ERI3: variants seen among roughly 807,000 people sequenced by gnomAD.
ERI3 encodes the protein ERI1 exoribonuclease 3.
A neutral mutation model predicts 44.4 loss-of-function variants in ERI3; 18 were observed. The observed-to-expected ratio is 0.41, with a 90% CI of 0.28 to 0.60. ERI3 has a LOEUF of 0.60. Among genes scored for constraint, ERI3 ranks in the 20% least tolerant of loss-of-function variants. The pLI, the probability that ERI3 is intolerant of heterozygous loss-of-function variation, is 0.36. For missense variants in ERI3, 294 were observed against 435.5 expected (o/e 0.68, Z 2.89); for synonymous variants, 183 against 164.8 (o/e 1.11, Z -0.84).
intron 5 of ERI3, among the ~76,000 whole-genome samples, chr1:44,308,938 C>T (rs1645896615): frequency 6.6e-6 from 1 of 152,152 alleles, no homozygotes; most frequent in South Asian, 2.1e-4. Context: ...GGACTGGAGC[C>T]CCATCCTGAC....
chr1:44,343,732 T>C (rs1646729488), intron 2 of ERI3, among the ~76,000 whole-genome samples: 1 of 151,958 alleles, frequency 6.6e-6, no homozygotes, highest in African/African-American at 2.4e-5. Context: ...TATATAGAGG[T>C]TTTATATCAA....
chr1:44,286,032 C>A (rs1645388046), intron 6 of ERI3, among the ~76,000 whole-genome samples: 1 of 152,072 alleles, frequency 6.6e-6, no homozygotes. Flanking sequence ...GTAAAGGAGG[C>A]CCCAGTGACT....
intron 7 of ERI3, chr1:44,284,145 A>C: frequency 2.2e-6 from 1 of 457,814 alleles, no homozygotes; most frequent in Non-Finnish European, 4.5e-6. Context: ...CCTCTAGAGC[A>C]GGGATACTCT....
intron 7 of ERI3, among the ~76,000 whole-genome samples, chr1:44,273,269 T>TAG (rs1645121933): frequency 6.6e-6 from 1 of 152,238 alleles, no homozygotes; most frequent in Non-Finnish European, 1.5e-5. Context: ...TCCTGGGCTA[T>TAG]GGAAGGAAGG....
rs1646976089 is a variant in ERI3, at chr1:44,355,168, G to A, written c.-142C>T. On this transcript the variant is annotated 5_prime_UTR_variant, in exon 1 of 9. Coordinates refer to ENST00000372257, the MANE Select transcript of ERI3 (RefSeq NM_024066.3). Reference sequence around the variant, plus strand: ...CCGACTGCGGCGCCGGCCAGGCAGAGGCAGGGCCAGCTCCGCCCGCTCCCC... The same window carrying A: ...CCGACTGCGGCGCCGGCCAGGCAGAAGCAGGGCCAGCTCCGCCCGCTCCCC... 4 of 1,208,814 alleles carry A rather than the reference G, an allele frequency of 3.3e-6. No individual in the cohort carries two copies. Among genetic ancestry groups the A allele is most frequent in the South Asian group, 4.3e-5 (1 of 23,428 alleles). 74.9% of individuals were successfully genotyped at this position (1,208,814 alleles called of 1,614,324 possible).
At chr1:44,249,329 T>G (rs1644626467) in intron 7 of ERI3, among the ~76,000 whole-genome samples, 1 of 152,156 alleles carries the variant, frequency 6.6e-6, no homozygotes, top group Non-Finnish European at 1.5e-5. Flanking sequence ...AGCACCGCAG[T>G]GGTCCAGCCC....
At chr1:44,258,323 T>C (rs192018043) in intron 7 of ERI3, among the ~76,000 whole-genome samples, 9 of 152,210 alleles carry the variant, frequency 5.9e-5, no homozygotes, top group Non-Finnish European at 7.3e-5. Context: ...TAATCCTTTA[T>C]TGAGCATGCG....
chr1:44,240,599 T>G (rs1249245121), intron 8 of ERI3, among the ~76,000 whole-genome samples: 1 of 152,162 alleles, frequency 6.6e-6, no homozygotes, highest in Non-Finnish European at 1.5e-5. Flanking sequence ...TTTCCTCACA[T>G]CCAGTAGAGA....
Position 44,247,996 on chromosome 1 carries a change from G to C in ERI3, c.874C>G (p.Leu292Val). Residue 292 changes from leucine to valine, a missense_variant, in exon 8 of 9, where the codon CTA becomes GTA. By Grantham distance (32) the Leu-to-Val change is conservative (BLOSUM62 1). Transcript: ENST00000372257. ...AGGCTGAGGCCCTTGTTCATGTCTA[G>C]AAGTCCATTCTTGGGCCAGCAGCCC... ...AMGCWPKNGLLDMNKGLSLQH... is the reference protein window; with the variant it reads ...AMGCWPKNGLVDMNKGLSLQH... The C allele has an allele frequency of 6.2e-7, 1 of 1,612,734 alleles. No individual in the cohort carries two copies. Among genetic ancestry groups the C allele is most frequent in the Non-Finnish European group, 8.5e-7 (1 of 1,179,478 alleles).
At chr1:44,290,304 T>C (rs890993974) in intron 6 of ERI3, among the ~76,000 whole-genome samples, 1 of 152,048 alleles carries the variant, frequency 6.6e-6, no homozygotes, top group Admixed American at 6.6e-5. Context: ...CATGGGACCA[T>C]GGAGGCACAG....
chr1:44,347,734 A>G (rs1278954481), intron 2 of ERI3, among the ~76,000 whole-genome samples: 2 of 152,026 alleles, frequency 1.3e-5, no homozygotes, highest in African/African-American at 2.4e-5. Flanking sequence ...GTTAAGGAAG[A>G]AGGATAGAAG....
chr1:44,294,027 C>T (rs325159), intron 6 of ERI3, among the ~76,000 whole-genome samples: 96,863 of 152,164 alleles, frequency 0.64, 32,333 homozygotes, highest in East Asian at 0.81. Context: ...AGCCCTCCCA[C>T]GGGTGCCCTC....
At chr1:44,341,706 G>A (rs1365343806) in intron 2 of ERI3, among the ~76,000 whole-genome samples, 1 of 152,084 alleles carries the variant, frequency 6.6e-6, no homozygotes, top group Non-Finnish European at 1.5e-5. Flanking sequence ...GGGAAACATA[G>A]TGAGACCCAA....
chr1:44,322,958 T>G (rs1331993528), intron 3 of ERI3: 1 of 1,409,706 alleles, frequency 7.1e-7, no homozygotes, highest in African/African-American at 1.4e-5. Flanking sequence ...TTTGTGACAA[T>G]GTGCCCAAGT....
chr1:44,244,573 T>G (rs1460715658), intron 8 of ERI3, among the ~76,000 whole-genome samples: 1 of 152,084 alleles, frequency 6.6e-6, no homozygotes, highest in African/African-American at 2.4e-5. Context: ...GAAAGAAAGT[T>G]TTACCTGGTG....
At chr1:44,321,072 T>C (rs980725017) in intron 3 of ERI3, among the ~76,000 whole-genome samples, 2 of 152,112 alleles carry the variant, frequency 1.3e-5, no homozygotes, top group East Asian at 1.9e-4. Context: ...CTTAGGAAAT[T>C]GATGGGTGGG....
intron 7 of ERI3, among the ~76,000 whole-genome samples, chr1:44,269,612 CAA>C (rs1425730176): frequency 6.6e-6 from 1 of 152,224 alleles, no homozygotes; most frequent in African/African-American, 2.4e-5. Context: ...GTGTCACTCT[CAA>C]GAGACCTGGA....
At position 44,241,965 on chromosome 1, in the gene ERI3, G is replaced by A; in HGVS notation, c.931+5974C>T. The A allele has an allele frequency of 2.0e-6, 2 of 985,608 alleles. No homozygotes were observed. The highest frequency in any genetic ancestry group is 2.4e-6 in the Non-Finnish European group (2 of 829,978). The allele number at this position is 985,608 out of a possible 1,614,324, so 61.1% of individuals were successfully genotyped here. A position where few individuals can be genotyped will look rare whatever the true frequency, so the allele number is the denominator to read the frequency against. On this transcript the variant is annotated intron_variant, in intron 8 of 8. Transcript: ENST00000372257. This position sits in a 1 kb window ranked among gnomAD's most constrained non-coding sequence, Gnocchi z 5.6. ...TATGGTTGCTACTGAAGAACAGTCT[G>A]GTGTCTGGCAAGAACCAATTCCTCA...
At chr1:44,254,792 C>T (rs1358135083) in intron 7 of ERI3, among the ~76,000 whole-genome samples, 2 of 152,060 alleles carry the variant, frequency 1.3e-5, no homozygotes, top group East Asian at 3.9e-4. Flanking sequence ...TTCACCTCCC[C>T]TGTTCTAACA....
Sources: gnomAD v4.1 joint callset for allele counts (sites outside exome capture counted in the v4.1 genomes callset) on GRCh38, gnomAD v4.1.1 for gene constraint, Gnocchi (gnomAD v3.1) non-coding constraint, MANE v1.5 for transcripts, NCBI Gene and HGNC (gene_info 2026-07-23, HGNC 2026-07-21) for gene names.